The following MAF variants were observed in gnomAD, a reference collection of about 807,000 sequenced individuals.
MAF encodes the protein MAF bZIP transcription factor.
In MAF, 10 loss-of-function variants were observed where a neutral mutation model predicts 22.0. The ratio of observed to expected loss-of-function variants is 0.45; its 90% CI spans 0.28 to 0.77. MAF has a LOEUF of 0.77. Among genes scored for constraint, MAF ranks in the 30% least tolerant of loss-of-function variants. The pLI, the probability that MAF is intolerant of heterozygous loss-of-function variation, is 0.12. For synonymous variants in MAF, 337 were observed against 255.8 expected, an observed-to-expected ratio of 1.32 and a Z score of -3.03; for missense variants, 544 against 548.4, an observed-to-expected ratio of 0.99 and a Z score of 0.08.
chr16:79,515,509 A>T, the MAF span, among the ~76,000 whole-genome samples: 2 of 152,358 alleles, frequency 1.3e-5, no homozygotes, highest in South Asian at 4.1e-4. Context: ...AGGCTAACGT[A>T]AGTGTTCTGA....
At chr16:79,516,453 A>G in the MAF span, among the ~76,000 whole-genome samples, 1 of 152,212 alleles carries the variant, frequency 6.6e-6, no homozygotes, top group African/African-American at 2.4e-5. Context: ...AAAGGTGAGT[A>G]TTATTATCCC....
At chr16:79,342,105 C>T in the MAF span, among the ~76,000 whole-genome samples, 2 of 152,190 alleles carry the variant, frequency 1.3e-5, no homozygotes, top group Non-Finnish European at 2.9e-5. Context: ...GAGTTAGCCC[C>T]ATTTTGGGTA....
At chr16:79,295,655 T>C in the MAF span, among the ~76,000 whole-genome samples, 4 of 152,244 alleles carry the variant, frequency 2.6e-5, no homozygotes, top group African/African-American at 9.6e-5. Context: ...CCAGGTTTAA[T>C]GCAAATGAGC....
the MAF span, among the ~76,000 whole-genome samples, chr16:79,539,768 C>T: frequency 3.9e-5 from 6 of 152,132 alleles, no homozygotes; most frequent in African/African-American, 9.7e-5. Flanking sequence ...TAGTGCTAAA[C>T]GGAAAAATGC....
chr16:79,471,271 A>C, the MAF span, among the ~76,000 whole-genome samples: 1 of 152,234 alleles, frequency 6.6e-6, no homozygotes, highest in Admixed American at 6.5e-5. Context: ...TACAGATACA[A>C]AACATCTAAG....
chr16:79,208,535 T>G, the MAF span, among the ~76,000 whole-genome samples: 2 of 152,226 alleles, frequency 1.3e-5, no homozygotes, highest in Non-Finnish European at 2.9e-5. Context: ...CATTATTTCC[T>G]TTAGATGGCT....
At chr16:79,571,659 C>G in the MAF span, among the ~76,000 whole-genome samples, 1 of 149,640 alleles carries the variant, frequency 6.7e-6, no homozygotes, top group African/African-American at 2.5e-5. Context: ...GTAGTGGGTT[C>G]AAATCTCTCT....
At chr16:79,257,339 C>T in the MAF span, among the ~76,000 whole-genome samples, 29 of 152,222 alleles carry the variant, frequency 1.9e-4, no homozygotes, top group African/African-American at 5.8e-4. Context: ...AGGTCTTTCT[C>T]TACTAGCTTT....
the MAF span, among the ~76,000 whole-genome samples, chr16:79,363,411 T>G: frequency 2.6e-5 from 4 of 152,214 alleles, no homozygotes; most frequent in Non-Finnish European, 4.4e-5. Flanking sequence ...TCAGAACACT[T>G]CAATTAGCCT....
chr16:79,245,145 A>T, the MAF span, among the ~76,000 whole-genome samples: 1 of 152,062 alleles, frequency 6.6e-6, no homozygotes, highest in Non-Finnish European at 1.5e-5. Flanking sequence ...ACCATTCAGG[A>T]TATAGGCACG....
chr16:79,599,315 C>G lies in MAF; in HGVS notation c.588G>C (p.Thr196=). The change falls in exon 1 of 2, where the codon ACG becomes ACC. Residue 196 remains threonine (T), a synonymous_variant. Transcript: ENST00000326043. Reference sequence around the variant, plus strand: ...TGCCCGCGGCGCCGGGCGCGCCGGCCGTCGGGTGGTGGTGGTGGCCGGCGG... The same window carrying G: ...TGCCCGCGGCGCCGGGCGCGCCGGCGGTCGGGTGGTGGTGGTGGCCGGCGG... ...HHAAGHHHHP[T]AGAPGAAGSA... The G allele has an allele frequency of 1.0e-6, 1 of 983,432 alleles. No individual in the cohort carries two copies. Among genetic ancestry groups the G allele is most frequent in the South Asian group, 4.5e-5 (1 of 21,992 alleles). 60.9% of individuals were successfully genotyped at this position (983,432 alleles called of 1,614,324 possible).
At chr16:79,251,786 A>G in the MAF span, among the ~76,000 whole-genome samples, 1 of 152,240 alleles carries the variant, frequency 6.6e-6, no homozygotes, top group East Asian at 1.9e-4. Flanking sequence ...TGACCAGCCA[A>G]GCGATCAGGT....
the MAF span, among the ~76,000 whole-genome samples, chr16:79,533,029 C>T: frequency 1.6e-4 from 24 of 152,290 alleles, no homozygotes; most frequent in South Asian, 8.3e-4. Flanking sequence ...AATTTTTATA[C>T]GATGACTAAT....
the MAF span, among the ~76,000 whole-genome samples, chr16:79,330,180 C>A: frequency 6.6e-6 from 1 of 152,276 alleles, no homozygotes; most frequent in East Asian, 1.9e-4. Context: ...TCTACACATG[C>A]CGCCTGCAAT....
chr16:79,231,579 A>C, the MAF span, among the ~76,000 whole-genome samples: 2 of 152,002 alleles, frequency 1.3e-5, no homozygotes, highest in Non-Finnish European at 2.9e-5. Context: ...CTGCCTATCT[A>C]TCTATTGTTC....
At chr16:79,331,905 C>T in the MAF span, among the ~76,000 whole-genome samples, 1 of 152,174 alleles carries the variant, frequency 6.6e-6, no homozygotes, top group Non-Finnish European at 1.5e-5. Context: ...CCCTGACCAA[C>T]CAGTACAGTG....
At chr16:79,525,122 T>A in the MAF span, among the ~76,000 whole-genome samples, 15 of 152,334 alleles carry the variant, frequency 9.8e-5, no homozygotes, top group East Asian at 5.8e-4. Flanking sequence ...TAACGCTTTT[T>A]TTTTCCCTGT....
chr16:79,282,224 G>A, the MAF span, among the ~76,000 whole-genome samples: 18 of 152,274 alleles, frequency 1.2e-4, no homozygotes, highest in African/African-American at 4.3e-4. Context: ...GGACACCCGT[G>A]GTTTCAAAGT....
At chr16:79,546,817 A>T in the MAF span, among the ~76,000 whole-genome samples, 7 of 152,186 alleles carry the variant, frequency 4.6e-5, no homozygotes, top group African/African-American at 1.7e-4. Flanking sequence ...CCAACAACTG[A>T]CCAATTATTA....
Sources: gnomAD v4.1 joint callset for allele counts (sites outside exome capture counted in the v4.1 genomes callset) on GRCh38, gnomAD v4.1.1 for gene constraint, MANE v1.5 for transcripts, NCBI Gene and HGNC (gene_info 2026-07-23, HGNC 2026-07-21) for gene names.